Variants in ANO1 observed in about 807,000 individuals in gnomAD.
ANO1 encodes anoctamin 1.
Under a neutral mutation model 124.0 loss-of-function variants are expected in ANO1, and 59 were observed. The observed-to-expected ratio is 0.48, with a 90% CI of 0.39 to 0.59. ANO1 has a LOEUF of 0.59. Ranked by LOEUF, ANO1 falls within the 20% of genes least tolerant of loss-of-function variation. ANO1 has a pLI of 0.00. For missense variants in ANO1, 1,059 were observed against 1,328.0 expected (o/e 0.80, Z 3.15); for synonymous variants, 529 against 532.0 (o/e 0.99, Z 0.08).
intron 6 of ANO1, among the ~76,000 whole-genome samples, chr11:70,109,939 C>T (rs1043886906): frequency 6.6e-6 from 1 of 152,060 alleles, no homozygotes; most frequent in Non-Finnish European, 1.5e-5. Context: ...GTCTGAGAGT[C>T]GACCCACCTC....
chr11:70,056,960 G>C (rs1857450438), intron 1 of ANO1, among the ~76,000 whole-genome samples: 1 of 149,838 alleles, frequency 6.7e-6, no homozygotes, highest in Non-Finnish European at 1.5e-5. Flanking sequence ...TTTTGGCTTT[G>C]GAATTCCCAT....
chr11:70,032,643 C>T (rs1857023503), intron 1 of ANO1, among the ~76,000 whole-genome samples: 1 of 152,050 alleles, frequency 6.6e-6, no homozygotes, highest in East Asian at 1.9e-4. Context: ...TTTACTGAGA[C>T]GAGGCCCCCG....
chr11:69,972,441 T>G, the ANO1 span, among the ~76,000 whole-genome samples: 1 of 152,100 alleles, frequency 6.6e-6, no homozygotes, highest in Non-Finnish European at 1.5e-5. Context: ...ACAACCGCCT[T>G]GCAGACAATG....
intron 11 of ANO1, among the ~76,000 whole-genome samples, chr11:70,135,795 TC>T (rs2046933947): frequency 2.0e-5 from 3 of 152,202 alleles, no homozygotes; most frequent in Admixed American, 6.5e-5. Flanking sequence ...GCTGTAATGA[TC>T]CCATTTCGAG....
Position 70,026,313 on chromosome 11 carries a change from T to C in ANO1, c.58+40147T>C, listed in dbSNP as rs1591042713. Among the ~76,000 whole-genome samples the C allele has an allele frequency of 2.6e-5, 4 of 151,386 alleles. No homozygotes were observed. In the South Asian group the frequency reaches 8.3e-4, roughly 32 times the overall value. On this transcript the variant is annotated intron_variant, in intron 1 of 27. Coordinates refer to the ANO1 transcript ENST00000531349. Reference sequence around the variant, plus strand: ...ATAATGATGGTGGTAGTGGTAATGATGGCATTGATGATGGTGGTGGTGGTG... The same window carrying C: ...ATAATGATGGTGGTAGTGGTAATGACGGCATTGATGATGGTGGTGGTGGTG...
intron 19 of ANO1, among the ~76,000 whole-genome samples, chr11:70,164,519 G>C (rs891339478): frequency 1.3e-5 from 2 of 152,234 alleles, no homozygotes; most frequent in African/African-American, 4.8e-5. Context: ...AGCAGATGGT[G>C]TAATTGCTTT....
intron 1 of ANO1, among the ~76,000 whole-genome samples, chr11:70,012,965 G>A (rs193118570): frequency 6.6e-6 from 1 of 152,210 alleles, no homozygotes; most frequent in East Asian, 1.9e-4. Context: ...CAGACAATAG[G>A]CAACAATATT....
At chr11:69,988,272 A>G (rs1175196657) in intron 1 of ANO1, among the ~76,000 whole-genome samples, 1 of 152,186 alleles carries the variant, frequency 6.6e-6, no homozygotes, top group Admixed American at 6.5e-5. Context: ...AGACCCAGAG[A>G]GAGGAAGCAC....
intron 1 of ANO1, among the ~76,000 whole-genome samples, chr11:70,037,364 G>A (rs953896759): frequency 2.0e-5 from 3 of 152,046 alleles, no homozygotes; most frequent in Non-Finnish European, 4.4e-5. Context: ...TAATGTATAG[G>A]GGTGGTTGGA....
At chr11:70,062,704 C>T (rs909706838) in intron 1 of ANO1, among the ~76,000 whole-genome samples, 7 of 152,154 alleles carry the variant, frequency 4.6e-5, no homozygotes, top group Non-Finnish European at 1.0e-4. Context: ...TGAGACTGGG[C>T]AGGTTCCCAA....
intron 1 of ANO1, among the ~76,000 whole-genome samples, chr11:70,069,539 G>T (rs1382649644): frequency 1.3e-5 from 2 of 151,430 alleles, no homozygotes; most frequent in African/African-American, 4.9e-5. Flanking sequence ...TAAAGGGGGA[G>T]GAGGACACTT....
chr11:70,187,655 C>A (rs2049186263), intron 25 of ANO1, 83 bp from the exon 26 acceptor site: 3 of 1,495,618 alleles, frequency 2.0e-6, no homozygotes, highest in Non-Finnish European at 2.7e-6. Flanking sequence ...TGGCACTCCA[C>A]CAGATGGGGG....
At chr11:70,115,472 G>A (rs2045939607) in intron 7 of ANO1, among the ~76,000 whole-genome samples, 1 of 152,092 alleles carries the variant, frequency 6.6e-6, no homozygotes, top group Non-Finnish European at 1.5e-5. Flanking sequence ...AATTAGCCGG[G>A]TGTGGTGGTG....
intron 1 of ANO1, among the ~76,000 whole-genome samples, chr11:70,033,531 C>T (rs775320310): frequency 3.3e-5 from 5 of 152,144 alleles, no homozygotes; most frequent in African/African-American, 4.8e-5. Flanking sequence ...CAGCCTGAGG[C>T]GTCTATGAGG....
Position 70,005,441 on chromosome 11 carries a change from T to C in ANO1, c.58+19275T>C, listed in dbSNP as rs373209559. Among the ~76,000 whole-genome samples the C allele has an allele frequency of 3.3e-4, 50 of 152,324 alleles. 1 individual carries two copies. The East Asian group carries it at 7.7e-3, about 24-fold the overall frequency. On this transcript the variant is annotated intron_variant, in intron 1 of 27. Transcript: ENST00000531349. ...GTCAATGGAAATAAAACGTTCTTGTTGGCACACTGTCCTGAATTATTCTAG... is the reference window on the plus strand; with the variant it reads ...GTCAATGGAAATAAAACGTTCTTGTCGGCACACTGTCCTGAATTATTCTAG...
At chr11:70,010,179 G>GTGTGTATATATATATATATATATA in intron 1 of ANO1, among the ~76,000 whole-genome samples, 1 of 83,812 alleles carries the variant, frequency 1.2e-5, no homozygotes, top group Non-Finnish European at 2.4e-5. Flanking sequence ...GTGTGTGTGT[G>GTGTGTATATATATATATATATATA]TATATATATA....
rs150482602 is a variant in ANO1, at chr11:70,182,582, C to T, written c.2484C>T (p.His828=). 464 of 1,613,694 alleles carry T rather than the reference C, an allele frequency of 2.9e-4. 3 individuals are homozygous for T. In the African/African-American group the frequency reaches 5.4e-3, roughly 19 times the overall value. The change falls in exon 24 of 26, where the codon CAC becomes CAT. Residue 828 remains histidine, a synonymous_variant. Transcript: ENST00000355303. ...TGTACAGTAAGAACGGGACCATGCA[C>T]GGCTTCGTCAACCACACCCTCTCCT... The part of the protein sequence containing the change: ...LYMYSKNGTM[H]GFVNHTLSSF...
Position 70,030,165 on chromosome 11 carries a change from A to C in ANO1, c.58+43999A>C, listed in dbSNP as rs116585959. 9.8e-3 allele frequency among the ~76,000 whole-genome samples: 1,497 copies of C among 152,250 alleles called. 25 individuals carry two copies. Among genetic ancestry groups the C allele is most frequent in the African/African-American group, 0.034 (1,429 of 41,534 alleles). On this transcript the variant is annotated intron_variant, in intron 1 of 27. Coordinates refer to the ANO1 transcript ENST00000531349. ...AGCGAAAGTTGCTCAGTCTCCAAAA[A>C]CACTTGGCCTGAGATGACCGAAGAC...
chr11:69,997,551 G>T (rs1554998588), intron 1 of ANO1, among the ~76,000 whole-genome samples: 2 of 152,120 alleles, frequency 1.3e-5, no homozygotes, highest in Non-Finnish European at 2.9e-5. Context: ...CGTCCCAACG[G>T]CAGCCACAGG....
Sources: allele counts gnomAD v4.1 joint callset (sites outside exome capture counted in the v4.1 genomes callset), GRCh38; gene constraint gnomAD v4.1.1; transcripts MANE v1.5; gene names NCBI Gene and HGNC (gene_info 2026-07-23, HGNC 2026-07-21).